Variants in FBXO38 observed in about 807,000 individuals in gnomAD.
FBXO38 encodes F-box only protein 38.
FBXO38 carries 53 observed loss-of-function variants against 131.9 expected under a neutral mutation model. That is an observed-to-expected ratio of 0.40 (90% CI 0.32 to 0.51). FBXO38 has a LOEUF of 0.51. Among genes scored for constraint, FBXO38 ranks in the 20% least tolerant of loss-of-function variants. The probability of loss-of-function intolerance (pLI) is 0.53; values close to 1 mark genes in which losing one functional copy is unlikely to be tolerated. For missense variants in FBXO38, 1,076 were observed against 1,475.6 expected (o/e 0.73, Z 4.44); for synonymous variants, 452 against 505.6 (o/e 0.89, Z 1.42).
At chr5:148,395,694 A>G (rs769743369) in intron 2 of FBXO38, among the ~76,000 whole-genome samples, 2 of 152,136 alleles carry the variant, frequency 1.3e-5, no homozygotes, top group African/African-American at 4.8e-5. Context: ...TGCATTAAAC[A>G]CTTAGCAAAC....
intron 20 of FBXO38, 36 bp from the exon 21 acceptor site, chr5:148,441,088 C>A: frequency 6.6e-7 from 1 of 1,513,614 alleles, no homozygotes; most frequent in Non-Finnish European, 9.2e-7. Context: ...TGTCAGCACT[C>A]CCACGCCAGT....
At chr5:148,429,332 A>ATT (rs34170712) in intron 15 of FBXO38, among the ~76,000 whole-genome samples, 8 of 147,584 alleles carry the variant, frequency 5.4e-5, no homozygotes, top group Non-Finnish European at 6.0e-5. Flanking sequence ...GTGGGAGCTA[A>ATT]TTTTTTTTTT....
intron 14 of FBXO38, among the ~76,000 whole-genome samples, chr5:148,426,271 C>A (rs1753710954): frequency 6.6e-6 from 1 of 152,170 alleles, no homozygotes; most frequent in Non-Finnish European, 1.5e-5. Flanking sequence ...CACGTGCTTA[C>A]CACTTTTAGC....
At chr5:148,421,079 G>A (rs1290759945) in intron 12 of FBXO38, among the ~76,000 whole-genome samples, 2 of 151,588 alleles carry the variant, frequency 1.3e-5, no homozygotes, top group Non-Finnish European at 2.9e-5. Context: ...CGATTCTCCT[G>A]CCTCAGCCTC....
In FBXO38 at chr5:148,423,901, C is replaced by T. The variant is rs570743070; in HGVS notation, c.1619-97C>T. On this transcript the variant is annotated intron_variant, in intron 12 of 21. Transcript: ENST00000340253. ...CTTTCAGGGCAGGCCTAGTAATCAG[C>T]GGGACTGTTCAGTTCTTAGGGCGGC... 230 of 1,078,178 alleles carry T rather than the reference C, an allele frequency of 2.1e-4. No homozygotes were observed. The African/African-American group carries it at 3.0e-3, about 14-fold the overall frequency. The allele number at this position is 1,078,178 out of a possible 1,614,324, so 66.8% of individuals were successfully genotyped here.
At chr5:148,435,495 G>A (rs1754293450) in intron 17 of FBXO38, among the ~76,000 whole-genome samples, 1 of 152,156 alleles carries the variant, frequency 6.6e-6, no homozygotes, top group African/African-American at 2.4e-5. Context: ...TTTGTGGCCG[G>A]GCGCAGTGCT....
At chr5:148,399,919 A>G (rs1485018839) in intron 3 of FBXO38, among the ~76,000 whole-genome samples, 1 of 151,912 alleles carries the variant, frequency 6.6e-6, no homozygotes, top group Non-Finnish European at 1.5e-5. Context: ...AGGGGAACCA[A>G]AAAATAAAAA....
Position 148,394,820 on chromosome 5 carries a change from A to G in FBXO38, c.44A>G (p.Asn15Ser), listed in dbSNP as rs1429434317. ...KKSVKTCIMN[N>S]EIPEEMTADE... ...AGTGTGAAAACATGTATCATGAATA[A>G]TGAAATTCCAGAAGAAATGACAGCA... The change falls in exon 2 of 22, where the codon AAT (asparagine) becomes AGT (serine). Residue 15 changes from asparagine (N) to serine (S), a missense_variant. Around this residue, in one of 8 missense-constraint regions of FBXO38, gnomAD observed 58 missense variants for 53.1 expected, o/e 1.09. Coordinates refer to ENST00000340253, the MANE Select transcript of FBXO38 (RefSeq NM_205836.3). 1 of 1,604,286 alleles carries G rather than the reference A, an allele frequency of 6.2e-7. No homozygotes were observed. Among genetic ancestry groups the G allele is most frequent in the East Asian group, 2.3e-5 (1 of 44,202 alleles).
intron 12 of FBXO38, among the ~76,000 whole-genome samples, chr5:148,418,374 CTA>C (rs1174928602): frequency 6.6e-6 from 1 of 152,176 alleles, no homozygotes; most frequent in Non-Finnish European, 1.5e-5. Flanking sequence ...TTAGTACCAA[CTA>C]TATGGTATTA....
chr5:148,421,114 G>A (rs1050731170), intron 12 of FBXO38, among the ~76,000 whole-genome samples: 6 of 152,036 alleles, frequency 3.9e-5, no homozygotes, highest in African/African-American at 7.2e-5. Flanking sequence ...CTATAGGCGC[G>A]TGCCATCACA....
chr5:148,414,409 T>C (rs888197776), intron 10 of FBXO38, 103 bp downstream of exon 10: 3 of 1,059,280 alleles, frequency 2.8e-6, no homozygotes, highest in Non-Finnish European at 4.0e-6. Flanking sequence ...ATGTAAAATG[T>C]AGGTATTTCA....
intron 1 of FBXO38, chr5:148,390,066 T>A (rs959492363): frequency 6.6e-6 from 1 of 151,674 alleles, no homozygotes; most frequent in African/African-American, 2.4e-5. Flanking sequence ...CACCACTTAC[T>A]TGGGACTTGT....
At chr5:148,391,923 A>G (rs1239859810) in intron 1 of FBXO38, among the ~76,000 whole-genome samples, 1 of 152,096 alleles carries the variant, frequency 6.6e-6, no homozygotes, top group African/African-American at 2.4e-5. Context: ...CTTTTTTATC[A>G]TACTTTTTAA....
intron 15 of FBXO38, 134 bp downstream of exon 15, chr5:148,428,081 A>G: frequency 1.0e-6 from 1 of 978,114 alleles, no homozygotes; most frequent in African/African-American, 1.6e-5. Flanking sequence ...GGTCATGTGA[A>G]TTTTGAACTA....
At chr5:148,420,693 CT>C (rs1173338751) in intron 12 of FBXO38, among the ~76,000 whole-genome samples, 1 of 152,166 alleles carries the variant, frequency 6.6e-6, no homozygotes, top group Non-Finnish European at 1.5e-5. Flanking sequence ...TGAAATTGCT[CT>C]GCAGCTTTAT....
intron 15 of FBXO38, among the ~76,000 whole-genome samples, chr5:148,429,906 A>G (rs1325411961): frequency 1.3e-5 from 2 of 151,924 alleles, no homozygotes; most frequent in African/African-American, 4.8e-5. Context: ...TCATTTATGT[A>G]GTGCTTTTTA....
chr5:148,440,367 C>G (rs549677497), intron 19 of FBXO38, 57 bp from the exon 20 acceptor site: 2 of 1,060,000 alleles, frequency 1.9e-6, no homozygotes, highest in Non-Finnish European at 2.9e-6. Flanking sequence ...CCTTCCTACC[C>G]GACACTAATT....
At chr5:148,391,832 G>A (rs1389683322) in intron 1 of FBXO38, among the ~76,000 whole-genome samples, 2 of 152,056 alleles carry the variant, frequency 1.3e-5, no homozygotes, top group Non-Finnish European at 2.9e-5. Context: ...CTAAACCTCT[G>A]TTATCACTCC....
chr5:148,397,674 C>G (rs1253373316), intron 2 of FBXO38: 1 of 152,100 alleles, frequency 6.6e-6, no homozygotes, highest in African/African-American at 2.4e-5. Context: ...AAATATTCAA[C>G]AGGTATATGT....
Sources: allele counts gnomAD v4.1 joint callset (sites outside exome capture counted in the v4.1 genomes callset), GRCh38; gene constraint gnomAD v4.1.1; regional missense constraint gnomAD v4.1.1; transcripts MANE v1.5; gene names NCBI Gene and HGNC (gene_info 2026-07-23, HGNC 2026-07-21).